CFAP44: variants seen among roughly 807,000 people sequenced by gnomAD.
CFAP44 encodes the protein cilia and flagella associated protein 44, also known as cilia- and flagella-associated protein 44.
A neutral mutation model predicts 216.2 loss-of-function variants in CFAP44; 134 were observed. That is an observed-to-expected ratio of 0.62 (90% CI 0.54 to 0.72). The LOEUF (loss-of-function observed/expected upper bound fraction) is 0.72. Among genes scored for constraint, CFAP44 ranks in the 30% least tolerant of loss-of-function variants. The pLI is 0.00. For missense variants in CFAP44, 2,035 were observed against 2,182.1 expected, an observed-to-expected ratio of 0.93 and a Z score of 1.34; for synonymous variants, 700 against 727.6, an observed-to-expected ratio of 0.96 and a Z score of 0.61.
chr3:113,329,262 C>T (rs982966347), intron 26 of CFAP44, among the ~76,000 whole-genome samples: 4 of 151,964 alleles, frequency 2.6e-5, no homozygotes, highest in East Asian at 1.9e-4. Context: ...GTAATGTGGG[C>T]GGAAAATGCT....
At chr3:113,296,451 C>T (rs962907507) in intron 33 of CFAP44, among the ~76,000 whole-genome samples, 25 of 152,096 alleles carry the variant, frequency 1.6e-4, no homozygotes, top group African/African-American at 6.0e-4. Flanking sequence ...AAAATGAGAT[C>T]TCTCCATAAT....
At chr3:113,432,350 A>AT (rs1171517200) in intron 2 of CFAP44, 2 of 152,118 alleles carry the variant, frequency 1.3e-5, no homozygotes, top group Non-Finnish European at 2.9e-5. Flanking sequence ...TATTTTGCCC[A>AT]TTTTTTTGAC....
chr3:113,440,581 C>G (rs1348755339), intron 1 of CFAP44, among the ~76,000 whole-genome samples: 3 of 152,104 alleles, frequency 2.0e-5, no homozygotes, highest in African/African-American at 7.2e-5. Context: ...AGTTCCAGTC[C>G]TCACTGTGTC....
At chr3:113,301,772 GT>G (rs957403838) in intron 32 of CFAP44, among the ~76,000 whole-genome samples, 7 of 152,074 alleles carry the variant, frequency 4.6e-5, no homozygotes, top group African/African-American at 1.7e-4. Context: ...TCTTTTTCAT[GT>G]TGTGAGAACA....
At chr3:113,363,433 G>T in intron 20 of CFAP44, 44 bp downstream of exon 20, 1 of 1,585,788 alleles carries the variant, frequency 6.3e-7, no homozygotes. Flanking sequence ...GATTTGTTTT[G>T]CAAAATCTCA....
In CFAP44 at chr3:113,426,285, A is replaced by T. The variant is rs558470779; in HGVS notation, c.254-8T>A. On this transcript the variant is annotated splice_polypyrimidine_tract_variant and splice_region_variant and intron_variant, in intron 3 of 34. Coordinates refer to ENST00000393845, the MANE Select transcript of CFAP44 (RefSeq NM_001164496.2). ...CAGGGGTTTGCTGAGGTACTAAAAAAATAAAATAATTTAAGAAGAGTGATA... is the reference window on the plus strand; with the variant it reads ...CAGGGGTTTGCTGAGGTACTAAAAATATAAAATAATTTAAGAAGAGTGATA... 6.2e-7 allele frequency: 1 copy of T among 1,611,648 alleles called. No individual in the cohort carries two copies. The highest frequency in any genetic ancestry group is 1.3e-5 in the African/African-American group (1 of 74,616).
intron 24 of CFAP44, 70 bp downstream of exon 24, chr3:113,341,674 G>T (rs1399401221): frequency 2.3e-6 from 3 of 1,316,802 alleles, no homozygotes; most frequent in South Asian, 1.9e-5. Flanking sequence ...TAAATATAAA[G>T]ATTTTTAAGA....
At position 113,330,224 on chromosome 3, in the gene CFAP44, T is replaced by C; in HGVS notation, c.4060A>G (p.Ile1354Val). The stretch of plus-strand genomic sequence containing the variant: ...TGTTTAATCTCGTCTCTCTTCATAA[T>C]TTCCAGCTCCACATCCGTTGGCTCT... ...KAEPTDVELE[I>V]MKRDEIKHVY... The change falls in exon 26 of 35, where the codon ATT becomes GTT. Residue 1354 changes from isoleucine (I) to valine (V), a missense_variant. This residue lies in a region of CFAP44 where 1,883 missense variants were observed against 2,023.7 expected (regional missense o/e 0.93). Transcript: ENST00000393845. 1 of 1,537,728 alleles carries C rather than the reference T, an allele frequency of 6.5e-7. No homozygotes were observed. The highest frequency in any genetic ancestry group is 8.7e-7 in the Non-Finnish European group (1 of 1,146,980).
At position 113,403,968 on chromosome 3, in the gene CFAP44, G is replaced by A. The variant is rs200002067; in HGVS notation, c.1054C>T (p.Leu352=). The A allele has an allele frequency of 3.3e-5, 54 of 1,614,082 alleles. 2 individuals are homozygous for A. In the Middle Eastern group the frequency reaches 4.8e-3, roughly 143 times the overall value. The change falls in exon 9 of 35, where the codon CTG becomes TTG. Residue 352 remains leucine, a synonymous_variant. Transcript: ENST00000393845. The part of the protein sequence containing the change: ...WGNMLLWEGG[L]IKVELCRGTS... Reference sequence around the variant, plus strand: ...CCTCGACAGAGCTCCACTTTGATCAGACCACCTTCCCAAAGCAGCATGTTG... The same window carrying A: ...CCTCGACAGAGCTCCACTTTGATCAAACCACCTTCCCAAAGCAGCATGTTG...
Position 113,327,698 on chromosome 3 carries a change from A to C in CFAP44, c.4238T>G (p.Leu1413Arg). 1 of 1,537,062 alleles carries C rather than the reference A, an allele frequency of 6.5e-7. No homozygotes were observed. The highest frequency in any genetic ancestry group is 1.2e-5 in the South Asian group (1 of 84,054). Reference sequence around the variant, plus strand: ...CTGTTTTTCAAAATTCTTCAGGAGAAGTATTTCTTGAAATAAGGTGACATG... The same window carrying C: ...CTGTTTTTCAAAATTCTTCAGGAGACGTATTTCTTGAAATAAGGTGACATG... Reference protein sequence around the residue: ...LHHVTLFQEILLLKNFEKQEN... With the variant: ...LHHVTLFQEIRLLKNFEKQEN... Residue 1413 changes from leucine (L) to arginine (R), a missense_variant, in exon 27 of 35, where the codon CTT becomes CGT. Leu to Arg is a moderately radical substitution (Grantham distance 102, BLOSUM62 -2). This residue lies in a region of CFAP44 where 1,883 missense variants were observed against 2,023.7 expected (regional missense o/e 0.93). Transcript: ENST00000393845.
intron 25 of CFAP44, 50 bp downstream of exon 25, chr3:113,333,356 T>G (rs1198919826): frequency 1.3e-6 from 2 of 1,485,876 alleles, no homozygotes; most frequent in Non-Finnish European, 1.8e-6. Flanking sequence ...AGAATTTAAT[T>G]AAGAACCCAG....
At chr3:113,343,478 A>T (rs1950354444) in intron 23 of CFAP44, among the ~76,000 whole-genome samples, 1 of 152,246 alleles carries the variant, frequency 6.6e-6, no homozygotes. Context: ...ATCATATTTC[A>T]TATTTCAAAT....
intron 33 of CFAP44, among the ~76,000 whole-genome samples, chr3:113,296,494 C>A (rs1949882361): frequency 1.3e-5 from 2 of 152,142 alleles, no homozygotes; most frequent in Admixed American, 1.3e-4. Flanking sequence ...TTTATATGCA[C>A]CCTGGACCCC....
Position 113,287,473 on chromosome 3 carries a change from G to A in CFAP44, c.*4084C>T, listed in dbSNP as rs1448089534. 1 of 152,914 alleles carries A rather than the reference G, an allele frequency of 6.5e-6. No individual in the cohort carries two copies. The highest frequency in any genetic ancestry group is 1.9e-4 in the East Asian group (1 of 5,204). 9.5% of individuals were successfully genotyped at this position (152,914 alleles called of 1,614,324 possible). ...GTAACCTTCAAACTGAGTCATGTGT[G>A]AGTCAGCATTTTCTTTACATGTTAG... On this transcript the variant is annotated 3_prime_UTR_variant, in exon 35 of 35. Transcript: ENST00000393845.
chr3:113,394,327 C>T (rs1187079301), intron 15 of CFAP44, among the ~76,000 whole-genome samples: 1 of 152,188 alleles, frequency 6.6e-6, no homozygotes, highest in Non-Finnish European at 1.5e-5. Flanking sequence ...CCACTCACCA[C>T]CCCAACCCCT....
At chr3:113,330,101 A>C in intron 26 of CFAP44, 67 bp downstream of exon 26, 1 of 1,440,800 alleles carries the variant, frequency 6.9e-7, no homozygotes, top group South Asian at 1.5e-5. Context: ...TAAACAAAAA[A>C]CCCGACCCAA....
At chr3:113,361,209 C>G (rs1332538219) in intron 21 of CFAP44, 1 of 202,386 alleles carries the variant, frequency 4.9e-6, no homozygotes, top group Non-Finnish European at 1.1e-5. Flanking sequence ...GAAGCCTTCA[C>G]TGGATTGAGA....
At chr3:113,430,640 G>A (rs1352764590) in intron 2 of CFAP44, among the ~76,000 whole-genome samples, 2 of 152,000 alleles carry the variant, frequency 1.3e-5, no homozygotes, top group Non-Finnish European at 2.9e-5. Flanking sequence ...TGAAAGATAC[G>A]AACTTGCAAA....
rs979503241 is a variant in CFAP44 at position 113,396,615 on chromosome 3, A to C, written c.1682T>G (p.Leu561Trp). 1.9e-6 allele frequency: 3 copies of C among 1,614,042 alleles called. No homozygotes were observed. Among genetic ancestry groups the C allele is most frequent in the Non-Finnish European group, 2.5e-6 (3 of 1,180,028 alleles). The part of the protein sequence containing the change: ...LTIFAGRKKI[L>W]DADIQLKQVF... ...CTGTTTCAACTGAATATCAGCATCC[A>C]AAATTTTCTTCCGTCCCGCAAAAAT... The change falls in exon 14 of 35, where the codon TTG becomes TGG. Residue 561 changes from leucine (L) to tryptophan (W), a missense_variant. Leu to Trp is a moderately conservative substitution (Grantham distance 61). This residue lies in a region of CFAP44 where 1,883 missense variants were observed against 2,023.7 expected (regional missense o/e 0.93). Transcript: ENST00000393845.
Sources: allele counts gnomAD v4.1 joint callset (sites outside exome capture counted in the v4.1 genomes callset), GRCh38; gene constraint gnomAD v4.1.1; regional missense constraint gnomAD v4.1.1; transcripts MANE v1.5; gene names NCBI Gene and HGNC (gene_info 2026-07-23, HGNC 2026-07-21).